Variants in OR10K1 observed in about 807,000 individuals in gnomAD.
The protein encoded by OR10K1 is olfactory receptor family 10 subfamily K member 1, also known as olfactory receptor 10K1.
For missense variants in OR10K1, 404 were observed against 373.3 expected (o/e 1.08, Z -0.68); for synonymous variants, 186 against 152.5 (o/e 1.22, Z -1.62).
Position 158,466,407 on chromosome 1 carries a change from C to G in OR10K1, c.846C>G (p.Thr282=). The G allele has an allele frequency of 6.2e-7, 1 of 1,613,700 alleles. No individual in the cohort carries two copies. The highest frequency in any genetic ancestry group is 8.5e-7 in the Non-Finnish European group (1 of 1,179,702). ...TATCTGTGTCATACACCATCCTTACCCCATTGTTCAATCCAATGATTTATA... is the reference window on the plus strand; with the variant it reads ...TATCTGTGTCATACACCATCCTTACGCCATTGTTCAATCCAATGATTTATA... ...TLISVSYTIL[T]PLFNPMIYSL... is the part of the protein sequence containing the mutation. The change falls in exon 2 of 2, where the codon ACC becomes ACG. Residue 282 remains threonine (T), a synonymous_variant. Coordinates refer to ENST00000641535, the MANE Select transcript of OR10K1 (RefSeq NM_001004473.2).
chr1:158,465,911 C>A lies in OR10K1; in HGVS notation c.350C>A (p.Ala117Asp). 1 of 1,614,200 alleles carries A rather than the reference C, an allele frequency of 6.2e-7. No individual in the cohort carries two copies. Among genetic ancestry groups the A allele is most frequent in the African/African-American group, 1.3e-5 (1 of 75,054 alleles). Residue 117 changes from alanine (A) to aspartate (D), a missense_variant, in exon 2 of 2, where the codon GCC (alanine) becomes GAC (aspartate). Physicochemically the swap from Ala to Asp is moderately radical, Grantham distance 126 (BLOSUM62 -2). Transcript: ENST00000641535. ...TCCTCTCACTCCTTCCTGCTGGCAG[C>A]CATGGGCTATGATCGCTATATGGCC... ...FGSSHSFLLA[A>D]MGYDRYMAIC...
At position 158,466,784 on chromosome 1, in the gene OR10K1, A is replaced by T; in HGVS notation, c.*281A>T. 2.7e-6 allele frequency: 1 copy of T among 369,340 alleles called. No homozygotes were observed. Among genetic ancestry groups the T allele is most frequent in the Non-Finnish European group, 4.9e-6 (1 of 204,830 alleles). The allele number at this position is 369,340 out of a possible 1,614,324, so 22.9% of individuals were successfully genotyped here. On this transcript the variant is annotated 3_prime_UTR_variant, in exon 2 of 2. Transcript: ENST00000641535. ...AATTTAAAAACTAATATGAGAGCAA[A>T]GATGCATCTAAACTGATGAGAGCTG...
In OR10K1 at chr1:158,466,171, G is replaced by A. The variant is rs1338658779; in HGVS notation, c.610G>A (p.Val204Ile). 1.2e-6 allele frequency: 2 copies of A among 1,613,960 alleles called. No homozygotes were observed. Among genetic ancestry groups the A allele is most frequent in the East Asian group, 2.2e-5 (1 of 44,890 alleles). ...TCAGCTGGTCATATTCATGCTTGGT[G>A]TATTTGCCTTGGTCATTCCTCTGCT... Reference protein sequence around the residue: ...FSQLVIFMLGVFALVIPLLLI... With the variant: ...FSQLVIFMLGIFALVIPLLLI... Residue 204 changes from valine to isoleucine, a missense_variant, in exon 2 of 2, where the codon GTA becomes ATA. By Grantham distance (29) the Val-to-Ile change is conservative. Transcript: ENST00000641535.
chr1:158,464,021 T>A (rs1389869654), intron 1 of OR10K1, among the ~76,000 whole-genome samples: 3 of 152,162 alleles, frequency 2.0e-5, no homozygotes, highest in Non-Finnish European at 4.4e-5. Context: ...ATTTCAAGAA[T>A]GCCTGATGAA....
At chr1:158,462,740 T>G (rs1655951365) in intron 1 of OR10K1, among the ~76,000 whole-genome samples, 1 of 152,190 alleles carries the variant, frequency 6.6e-6, no homozygotes, top group South Asian at 2.1e-4. Context: ...TTCTTAAAAG[T>G]TTTACACGTG....
At position 158,466,579 on chromosome 1, in the gene OR10K1, A is replaced by C. The variant is rs1571287077; in HGVS notation, c.*76A>C. On this transcript the variant is annotated 3_prime_UTR_variant, in exon 2 of 2. Transcript: ENST00000641535. ...TGTTTTATACATTTTTTTTCATTTA[A>C]TTGTCCAGCTCCACTGTAACATAAG... 4 of 880,236 alleles carry C rather than the reference A, an allele frequency of 4.5e-6. No individual in the cohort carries two copies. The East Asian group carries it at 9.8e-5, about 22-fold the overall frequency. The allele number at this position is 880,236 out of a possible 1,614,324, so 54.5% of individuals were successfully genotyped here. A position where few individuals can be genotyped will look rare whatever the true frequency, so the allele number is the denominator to read the frequency against.
At position 158,465,623 on chromosome 1, in the gene OR10K1, C is replaced by T; in HGVS notation, c.62C>T (p.Ala21Val). 6.2e-7 allele frequency: 1 copy of T among 1,614,096 alleles called. No individual in the cohort carries two copies. The highest frequency in any genetic ancestry group is 8.5e-7 in the Non-Finnish European group (1 of 1,180,010). ...EFVVLGFSSL[A>V]RLQQLLFVIF... is the part of the protein sequence containing the mutation. ...GTCGTCCTCGGCTTCTCATCCCTGG[C>T]CAGGCTGCAGCAGCTGCTCTTTGTT... is the stretch of plus-strand genomic sequence containing the variant. The change falls in exon 2 of 2, where the codon GCC (alanine) becomes GTC (valine). Residue 21 changes from alanine (A) to valine (V), a missense_variant. Physicochemically the swap from Ala to Val is moderately conservative, Grantham distance 64. Transcript: ENST00000641535.
At chr1:158,464,890 C>G (rs1354355395) in intron 1 of OR10K1, among the ~76,000 whole-genome samples, 1 of 152,152 alleles carries the variant, frequency 6.6e-6, no homozygotes, top group Non-Finnish European at 1.5e-5. Context: ...CTCAAGCAAT[C>G]CACCCACCTT....
At chr1:158,465,364 A>G (rs1196771667) in intron 1 of OR10K1, 42 bp from the exon 2 acceptor site, 10 of 595,062 alleles carry the variant, frequency 1.7e-5, no homozygotes, top group African/African-American at 1.1e-4. Flanking sequence ...CAAACTGGCT[A>G]TCAGTTATTC....
chr1:158,464,203 T>C (rs961857252), intron 1 of OR10K1, among the ~76,000 whole-genome samples: 6 of 152,216 alleles, frequency 3.9e-5, no homozygotes, highest in Non-Finnish European at 7.3e-5. Context: ...CTGGATGATT[T>C]TGTATCCAGA....
At chr1:158,464,000 A>G (rs971964068) in intron 1 of OR10K1, among the ~76,000 whole-genome samples, 3 of 152,212 alleles carry the variant, frequency 2.0e-5, no homozygotes, top group African/African-American at 7.2e-5. Context: ...TTCTATGAAT[A>G]GATATAATGA....
In OR10K1 at chr1:158,466,647, A is replaced by G; in HGVS notation, c.*144A>G. On this transcript the variant is annotated 3_prime_UTR_variant, in exon 2 of 2. Transcript: ENST00000641535. Reference sequence around the variant, plus strand: ...AAGAATGAGGCTCACAGAAGTTAAGACAGTCTGGCTTTCTACTCTCCATGA... The same window carrying G: ...AAGAATGAGGCTCACAGAAGTTAAGGCAGTCTGGCTTTCTACTCTCCATGA... 4.8e-6 allele frequency: 3 copies of G among 629,656 alleles called. No individual in the cohort carries two copies. The highest frequency in any genetic ancestry group is 8.4e-6 in the Non-Finnish European group (3 of 357,792). 39.0% of individuals were successfully genotyped at this position (629,656 alleles called of 1,614,324 possible).
rs1417025570 is a variant in OR10K1 at position 158,466,645 on chromosome 1, A to C, written c.*142A>C. On this transcript the variant is annotated 3_prime_UTR_variant, in exon 2 of 2. Transcript: ENST00000641535. ...AGAAGAATGAGGCTCACAGAAGTTA[A>C]GACAGTCTGGCTTTCTACTCTCCAT... 1.6e-6 allele frequency: 1 copy of C among 633,372 alleles called. No homozygotes were observed. The highest frequency in any genetic ancestry group is 2.8e-6 in the Non-Finnish European group (1 of 360,806). 39.2% of individuals were successfully genotyped at this position (633,372 alleles called of 1,614,324 possible).
intron 1 of OR10K1, among the ~76,000 whole-genome samples, chr1:158,464,753 A>C (rs1416128565): frequency 6.6e-6 from 1 of 152,110 alleles, no homozygotes; most frequent in African/African-American, 2.4e-5. Flanking sequence ...GGCTCAAGTG[A>C]ATCTCATGCC....
At position 158,465,757 on chromosome 1, in the gene OR10K1, C is replaced by T. The variant is rs1420586343; in HGVS notation, c.196C>T (p.Leu66Phe). 2 of 1,614,082 alleles carry T rather than the reference C, an allele frequency of 1.2e-6. No homozygotes were observed. Among genetic ancestry groups the T allele is most frequent in the Admixed American group, 3.3e-5 (2 of 60,002 alleles). The change falls in exon 2 of 2, where the codon CTT becomes TTT. Residue 66 changes from leucine to phenylalanine, a missense_variant. Transcript: ENST00000641535. ...HTPMYFFLAI[L>F]SCSEICYTFV... Reference sequence around the variant, plus strand: ...TCCCATGTACTTCTTCCTTGCCATCCTTTCTTGCTCTGAGATTTGCTATAC... The same window carrying T: ...TCCCATGTACTTCTTCCTTGCCATCTTTTCTTGCTCTGAGATTTGCTATAC...
chr1:158,464,927 G>C (rs1656002933), intron 1 of OR10K1, among the ~76,000 whole-genome samples: 1 of 152,194 alleles, frequency 6.6e-6, no homozygotes, highest in South Asian at 2.1e-4. Flanking sequence ...GGGATTACAG[G>C]TGTGAGCCAC....
Position 158,465,469 on chromosome 1 carries a change from AC to A in OR10K1, c.-92del, listed in dbSNP as rs1005059516. ...ATCTGGAAATGCCTGCCACCTGCAA[AC>A]TTTGTGTGAAATTTCCCGTACATTT... is the stretch of plus-strand genomic sequence containing the variant. On this transcript the variant is annotated 5_prime_UTR_variant, in exon 2 of 2. An upstream open reading frame in the 5' UTR gains an earlier in-frame stop. Transcript: ENST00000641535. 81 of 958,122 alleles carry A rather than the reference AC, an allele frequency of 8.5e-5. No homozygotes were observed. Among genetic ancestry groups the A allele is most frequent in the Middle Eastern group, 6.6e-4 (3 of 4,550 alleles). 59.4% of individuals were successfully genotyped at this position (958,122 alleles called of 1,614,324 possible).
intron 1 of OR10K1, among the ~76,000 whole-genome samples, chr1:158,462,237 G>A (rs966613653): frequency 7.9e-5 from 12 of 151,134 alleles, no homozygotes; most frequent in Non-Finnish European, 1.8e-4. Context: ...CCGAGACCGT[G>A]CCATTGCATT....
chr1:158,465,656 T>C lies in OR10K1; in HGVS notation c.95T>C (p.Leu32Pro). 1.2e-6 allele frequency: 2 copies of C among 1,614,170 alleles called. No individual in the cohort carries two copies. The highest frequency in any genetic ancestry group is 1.7e-6 in the Non-Finnish European group (2 of 1,180,020). The change falls in exon 2 of 2, where the codon CTG becomes CCG. Residue 32 changes from leucine (L) to proline (P), a missense_variant. By Grantham distance (98) the Leu-to-Pro change is moderately conservative. Transcript: ENST00000641535. ...CAGCAGCTGCTCTTTGTTATCTTCCTGCTCCTCTACCTGTTCACTCTGGGC... is the reference window on the plus strand; with the variant it reads ...CAGCAGCTGCTCTTTGTTATCTTCCCGCTCCTCTACCTGTTCACTCTGGGC... ...RLQQLLFVIFLLLYLFTLGTN... is the reference protein window; with the variant it reads ...RLQQLLFVIFPLLYLFTLGTN...
Sources: allele counts gnomAD v4.1 joint callset (sites outside exome capture counted in the v4.1 genomes callset), GRCh38; gene constraint gnomAD v4.1.1; transcripts MANE v1.5; gene names NCBI Gene and HGNC (gene_info 2026-07-23, HGNC 2026-07-21).